KLF4: variants seen among roughly 807,000 people sequenced by gnomAD.
The protein encoded by KLF4 is Krueppel-like factor 4.
KLF4 carries 14 observed loss-of-function variants against 38.0 expected under a neutral mutation model. The ratio of observed to expected loss-of-function variants is 0.37; its 90% CI spans 0.24 to 0.58. The LOEUF (loss-of-function observed/expected upper bound fraction) is 0.58. Among genes scored for constraint, KLF4 ranks in the 20% least tolerant of loss-of-function variants. The probability of loss-of-function intolerance (pLI) is 0.76; values close to 1 mark genes in which losing one functional copy is unlikely to be tolerated. For missense variants in KLF4, 737 were observed against 670.1 expected, an observed-to-expected ratio of 1.10 and a Z score of -1.10; for synonymous variants, 398 against 302.5, an observed-to-expected ratio of 1.32 and a Z score of -3.28.
chr9:107,489,039 C>G lies in KLF4; in HGVS notation c.17G>C (p.Gly6Ala), dbSNP rs1222965749. ...GTCGCTGACAGCCATGTCAGACTCG[C>G]CAGGTGGCTGCCTGCGAGCAAGGCA... MRQPP[G>A]ESDMAVSDAL... Residue 6 changes from glycine (G) to alanine (A), a missense_variant, in exon 2 of 5, where the codon GGC (glycine) becomes GCC (alanine). Transcript: ENST00000374672. 6.4e-6 allele frequency: 10 copies of G among 1,556,760 alleles called. No homozygotes were observed. Among genetic ancestry groups the G allele is most frequent in the Non-Finnish European group, 7.8e-6 (9 of 1,149,762 alleles).
Position 107,487,479 on chromosome 9 carries a change from G to T in KLF4, c.915C>A (p.Phe305Leu). The T allele has an allele frequency of 6.5e-7, 1 of 1,541,526 alleles. No homozygotes were observed. The highest frequency in any genetic ancestry group is 8.7e-7 in the Non-Finnish European group (1 of 1,145,722). The change falls in exon 3 of 5, where the codon TTC becomes TTA. Residue 305 changes from phenylalanine (F) to leucine (L), a missense_variant. By Grantham distance (22) the Phe-to-Leu change is conservative. Coordinates refer to ENST00000374672, the MANE Select transcript of KLF4 (RefSeq NM_004235.6). This position sits in a 1 kb window ranked among gnomAD's most constrained non-coding sequence, Gnocchi z 6.1. ...TGCTGGGGAGCTGCCGCCCCAGGGG[G>T]AAGTCGTGTGCAGCCGGCCGGTGGC... ...SNGHRPAAHD[F>L]PLGRQLPSRT... is the part of the protein sequence containing the mutation.
At position 107,485,427 on chromosome 9, in the gene KLF4, C is replaced by T. The variant is rs1431248071; in HGVS notation, c.*324G>A. ...TCAAGGGAATTCTGGTCTTCCCTCC[C>T]CCAACTCACGGATATAATTTATACC... On this transcript the variant is annotated 3_prime_UTR_variant, in exon 5 of 5. Transcript: ENST00000374672. The surrounding 1 kb of genome is among the most constrained non-coding windows in gnomAD (Gnocchi z 4.9). 3 of 292,168 alleles carry T rather than the reference C, an allele frequency of 1.0e-5. No individual in the cohort carries two copies. Among genetic ancestry groups the T allele is most frequent in the Admixed American group, 1.1e-4 (2 of 19,036 alleles). The allele number at this position is 292,168 out of a possible 1,614,324, so 18.1% of individuals were successfully genotyped here.
rs368424781 is a variant in KLF4 at position 107,488,903 on chromosome 9, T to C, written c.126+27A>G. On this transcript the variant is annotated intron_variant, in intron 2 of 4. Coordinates refer to ENST00000374672, the MANE Select transcript of KLF4 (RefSeq NM_004235.6). This position sits in a 1 kb window ranked among gnomAD's most constrained non-coding sequence, Gnocchi z 5.7. The stretch of plus-strand genomic sequence containing the variant: ...CACACCCACGAAAACCCACCGGGCG[T>C]TCCCGGCGGCCCGGAGCGATACTCA... 2 of 1,544,696 alleles carry C rather than the reference T, an allele frequency of 1.3e-6. No individual in the cohort carries two copies. The highest frequency in any genetic ancestry group is 1.7e-4 in the Middle Eastern group (1 of 5,876).
rs1184808217 is a variant in KLF4, at chr9:107,485,482, T to C, written c.*269A>G. The C allele has an allele frequency of 2.6e-6, 1 of 378,498 alleles. No homozygotes were observed. Among genetic ancestry groups the C allele is most frequent in the Non-Finnish European group, 4.7e-6 (1 of 214,396 alleles). 23.4% of individuals were successfully genotyped at this position (378,498 alleles called of 1,614,324 possible). A position where few individuals can be genotyped will look rare whatever the true frequency, so the allele number is the denominator to read the frequency against. On this transcript the variant is annotated 3_prime_UTR_variant, in exon 5 of 5. Transcript: ENST00000374672. This position sits in a 1 kb window ranked among gnomAD's most constrained non-coding sequence, Gnocchi z 4.9. ...TATCCACAACTTCCAGTCACCCCCT[T>C]GGCATTTTGTAAGTCCAGGAATATT...
In KLF4 at chr9:107,485,946, A is replaced by G; in HGVS notation, c.1265-20T>C. ...TCTCACCTGTAAAGGTAAAAGAAAA[A>G]AAAAATTGACGCTATTGCTATATCA... On this transcript the variant is annotated intron_variant, in intron 4 of 4. Coordinates refer to ENST00000374672, the MANE Select transcript of KLF4 (RefSeq NM_004235.6). This position sits in a 1 kb window ranked among gnomAD's most constrained non-coding sequence, Gnocchi z 4.9. 1 of 1,594,070 alleles carries G rather than the reference A, an allele frequency of 6.3e-7. No homozygotes were observed. The highest frequency in any genetic ancestry group is 1.2e-5 in the South Asian group (1 of 86,726).
chr9:107,487,766 G>T lies in KLF4; in HGVS notation c.628C>A (p.Pro210Thr). ...GGCTGCTGCGGCGGAATGTACACCG[G>T]GTCCAATTCTGGCCGCAGGAGCTCG... Reference protein sequence around the residue: ...VAELLRPELDPVYIPPQQPQP... With the variant: ...VAELLRPELDTVYIPPQQPQP... The change falls in exon 3 of 5, where the codon CCG (proline) becomes ACG (threonine). Residue 210 changes from proline (P) to threonine (T), a missense_variant. Physicochemically the swap from Pro to Thr is conservative, Grantham distance 38. Around this residue, in one of 2 missense-constraint regions of KLF4, gnomAD observed 695 missense variants for 554.5 expected, o/e 1.25. Transcript: ENST00000374672. The surrounding 1 kb of genome is among the most constrained non-coding windows in gnomAD (Gnocchi z 6.1). 6.4e-7 allele frequency: 1 copy of T among 1,558,242 alleles called. No individual in the cohort carries two copies. Among genetic ancestry groups the T allele is most frequent in the Non-Finnish European group, 8.7e-7 (1 of 1,150,966 alleles).
chr9:107,485,777 C>A lies in KLF4; in HGVS notation c.1414G>T (p.Ala472Ser), dbSNP rs755781036. The change falls in exon 5 of 5, where the codon GCC (alanine) becomes TCC (serine). Residue 472 changes from alanine (A) to serine (S), a missense_variant. Ala to Ser is a moderately conservative substitution (Grantham distance 99). Around this residue, in one of 2 missense-constraint regions of KLF4, gnomAD observed 42 missense variants for 115.5 expected, o/e 0.36. Transcript: ENST00000374672. The surrounding 1 kb of genome is among the most constrained non-coding windows in gnomAD (Gnocchi z 4.9). ...DRAFSRSDHL[A>S]LHMKRHF ...TAAAAATGCCTCTTCATGTGTAAGGCGAGGTGGTCCGACCTGGAAAATGCT... is the reference window on the plus strand; with the variant it reads ...TAAAAATGCCTCTTCATGTGTAAGGAGAGGTGGTCCGACCTGGAAAATGCT... The A allele has an allele frequency of 6.3e-7, 1 of 1,598,926 alleles. No homozygotes were observed. The highest frequency in any genetic ancestry group is 2.3e-5 in the East Asian group (1 of 44,068).
rs184817671 is a variant in KLF4, at chr9:107,487,035, G to A, written c.1257C>T (p.Thr419=). 19 of 1,614,198 alleles carry A rather than the reference G, an allele frequency of 1.2e-5. No individual in the cohort carries two copies. The African/African-American group carries it at 2.3e-4, about 19-fold the overall frequency. Residue 419 remains threonine (T), a synonymous_variant, in exon 4 of 5, where the codon ACC becomes ACT. Coordinates refer to ENST00000374672, the MANE Select transcript of KLF4 (RefSeq NM_004235.6). This position sits in a 1 kb window ranked among gnomAD's most constrained non-coding sequence, Gnocchi z 6.1. ...KSSHLKAHLR[T]HTGEKPYHCD... ...TGCAGTTTGTCCCCCTACCTGTGTG[G>A]GTTCGCAGGTGTGCCTTGAGATGGG...
chr9:107,486,943 A>C, intron 4 of KLF4, 85 bp downstream of exon 4: 1 of 1,603,002 alleles, frequency 6.2e-7, no homozygotes, highest in South Asian at 1.1e-5. Flanking sequence ...TAACCTGGGA[A>C]GTCAAGGAGG....
At position 107,487,020 on chromosome 9, in the gene KLF4, C is replaced by T. The variant is rs776106642; in HGVS notation, c.1264+8G>A. ...AACCCCCCTCCCTTCTGCAGTTTGT[C>T]CCCCTACCTGTGTGGGTTCGCAGGT... On this transcript the variant is annotated splice_region_variant and intron_variant, in intron 4 of 4. Transcript: ENST00000374672. The surrounding 1 kb of genome is among the most constrained non-coding windows in gnomAD (Gnocchi z 6.1). The T allele has an allele frequency of 6.2e-6, 10 of 1,614,036 alleles. No homozygotes were observed. The Admixed American group carries it at 1.2e-4, about 19-fold the overall frequency.
chr9:107,489,449 C>G lies in KLF4; in HGVS notation c.-277G>C, dbSNP rs1043358753. ...GCGCTCTCTTCCACTCAGCAGCGTC[C>G]CCCACCACTGTCGCGGTCGCCTCGA... is the stretch of plus-strand genomic sequence containing the variant. On this transcript the variant is annotated 5_prime_UTR_variant, in exon 1 of 5. Coordinates refer to ENST00000374672, the MANE Select transcript of KLF4 (RefSeq NM_004235.6). The G allele has an allele frequency of 2.0e-5, 8 of 399,570 alleles. No homozygotes were observed. Among genetic ancestry groups the G allele is most frequent in the African/African-American group, 1.2e-4 (6 of 48,454 alleles). 24.8% of individuals were successfully genotyped at this position (399,570 alleles called of 1,614,324 possible). A position where few individuals can be genotyped will look rare whatever the true frequency, so the allele number is the denominator to read the frequency against.
Position 107,487,269 on chromosome 9 carries a change from C to G in KLF4, c.1099+26G>C. ...GCCAGCACACACAGGGCTCCCCAGCCCGAGCTACAAATCCCCGGGACTGAC... is the reference window on the plus strand; with the variant it reads ...GCCAGCACACACAGGGCTCCCCAGCGCGAGCTACAAATCCCCGGGACTGAC... On this transcript the variant is annotated intron_variant, in intron 3 of 4. Coordinates refer to ENST00000374672, the MANE Select transcript of KLF4 (RefSeq NM_004235.6). This position sits in a 1 kb window ranked among gnomAD's most constrained non-coding sequence, Gnocchi z 6.1. The G allele has an allele frequency of 1.3e-6, 2 of 1,596,596 alleles. No individual in the cohort carries two copies. The highest frequency in any genetic ancestry group is 1.7e-6 in the Non-Finnish European group (2 of 1,170,654).
rs1048635748 is a variant in KLF4 at position 107,487,545 on chromosome 9, A to G, written c.849T>C (p.Ser283=). Residue 283 remains serine (S), a synonymous_variant, in exon 3 of 5, where the codon TCT becomes TCC. Transcript: ENST00000374672. This position sits in a 1 kb window ranked among gnomAD's most constrained non-coding sequence, Gnocchi z 6.1. ...TCPKIKQEAV[S]SCTHLGAGPP... Reference sequence around the variant, plus strand: ...GTCCAGCGCCCAAGTGGGTGCACGAAGAGACCGCCTCCTGCTTGATCTTGG... The same window carrying G: ...GTCCAGCGCCCAAGTGGGTGCACGAGGAGACCGCCTCCTGCTTGATCTTGG... The G allele has an allele frequency of 1.3e-6, 2 of 1,566,478 alleles. No homozygotes were observed. The highest frequency in any genetic ancestry group is 1.7e-6 in the Non-Finnish European group (2 of 1,158,310).
Position 107,488,105 on chromosome 9 carries a change from C to G in KLF4, c.289G>C (p.Glu97Gln). The change falls in exon 3 of 5, where the codon GAG becomes CAG. Residue 97 changes from glutamate to glutamine, a missense_variant. Physicochemically the swap from Glu to Gln is conservative, Grantham distance 29. Transcript: ENST00000374672. The surrounding 1 kb of genome is among the most constrained non-coding windows in gnomAD (Gnocchi z 5.7). ...NLAPLPRRET[E>Q]EFNDLLDLDF... is the part of the protein sequence containing the mutation. ...AGGTCCAGGAGATCGTTGAACTCCT[C>G]GGTCTCTCTCCGAGGTAGGGGCGCC... 1 of 1,612,980 alleles carries G rather than the reference C, an allele frequency of 6.2e-7. No individual in the cohort carries two copies. Among genetic ancestry groups the G allele is most frequent in the Non-Finnish European group, 8.5e-7 (1 of 1,179,916 alleles).
Position 107,488,102 on chromosome 9 carries a change from C to A in KLF4, c.292G>T (p.Glu98Ter), listed in dbSNP as rs1829116795. The A allele has an allele frequency of 1.2e-6, 2 of 1,612,920 alleles. No individual in the cohort carries two copies. The highest frequency in any genetic ancestry group is 1.7e-6 in the Non-Finnish European group (2 of 1,179,918). Reference sequence around the variant, plus strand: ...TCCAGGTCCAGGAGATCGTTGAACTCCTCGGTCTCTCTCCGAGGTAGGGGC... The same window carrying A: ...TCCAGGTCCAGGAGATCGTTGAACTACTCGGTCTCTCTCCGAGGTAGGGGC... ...LAPLPRRETE[E>*]FNDLLDLDFI... is the part of the protein sequence containing the mutation. Residue 98 changes from glutamate to a stop codon, truncating the protein, a stop_gained, in exon 3 of 5, where the codon GAG becomes TAG. Coordinates refer to ENST00000374672, the MANE Select transcript of KLF4 (RefSeq NM_004235.6). LOFTEE classifies it high-confidence loss of function. This position sits in a 1 kb window ranked among gnomAD's most constrained non-coding sequence, Gnocchi z 5.7.
In KLF4 at chr9:107,487,963, G is replaced by T; in HGVS notation, c.431C>A (p.Ala144Glu). 1 of 1,584,918 alleles carries T rather than the reference G, an allele frequency of 6.3e-7. No individual in the cohort carries two copies. The highest frequency in any genetic ancestry group is 2.3e-5 in the East Asian group (1 of 43,208). The change falls in exon 3 of 5, where the codon GCG becomes GAG. Residue 144 changes from alanine (A) to glutamate (E), a missense_variant. Physicochemically the swap from Ala to Glu is moderately radical, Grantham distance 107. Coordinates refer to ENST00000374672, the MANE Select transcript of KLF4 (RefSeq NM_004235.6). This position sits in a 1 kb window ranked among gnomAD's most constrained non-coding sequence, Gnocchi z 6.1. ...ATAGGTGAAGCTGCAGGTGGAGGGCGCGCTGGCAGGGCCGCTGCTCGACGG... is the reference window on the plus strand; with the variant it reads ...ATAGGTGAAGCTGCAGGTGGAGGGCTCGCTGGCAGGGCCGCTGCTCGACGG... ...SSPSSSGPASAPSTCSFTYPI... is the reference protein window; with the variant it reads ...SSPSSSGPASEPSTCSFTYPI...
chr9:107,488,936 C>G lies in KLF4; in HGVS notation c.120G>C (p.Pro40=). ...REKTLRQAGA[P]NNRWREELSH... ...GGCCCGGAGCGATACTCACGTTATT[C>G]GGGGCACCTGCTTGACGCAGTGTCT... is the stretch of plus-strand genomic sequence containing the variant. The change falls in exon 2 of 5, where the codon CCG becomes CCC. Residue 40 remains proline (P), a synonymous_variant. Transcript: ENST00000374672. This position sits in a 1 kb window ranked among gnomAD's most constrained non-coding sequence, Gnocchi z 5.7. The G allele has an allele frequency of 6.4e-7, 1 of 1,555,380 alleles. No individual in the cohort carries two copies. The highest frequency in any genetic ancestry group is 8.7e-7 in the Non-Finnish European group (1 of 1,149,108).
In KLF4 at chr9:107,488,865, C is replaced by T. The variant is rs985699050; in HGVS notation, c.126+65G>A. On this transcript the variant is annotated intron_variant, in intron 2 of 4. Coordinates refer to ENST00000374672, the MANE Select transcript of KLF4 (RefSeq NM_004235.6). The surrounding 1 kb of genome is among the most constrained non-coding windows in gnomAD (Gnocchi z 5.7). ...GTGGCTCTTGGTGACCCCAAGGCTCCGCCCGCCCCCACCACACCCACGAAA... is the reference window on the plus strand; with the variant it reads ...GTGGCTCTTGGTGACCCCAAGGCTCTGCCCGCCCCCACCACACCCACGAAA... 8 of 1,520,390 alleles carry T rather than the reference C, an allele frequency of 5.3e-6. No individual in the cohort carries two copies. In the African/African-American group the frequency reaches 9.6e-5, roughly 18 times the overall value. 94.2% of individuals were successfully genotyped at this position (1,520,390 alleles called of 1,614,324 possible).
chr9:107,485,611 A>T lies in KLF4; in HGVS notation c.*140T>A. On this transcript the variant is annotated 3_prime_UTR_variant, in exon 5 of 5. Transcript: ENST00000374672. This position sits in a 1 kb window ranked among gnomAD's most constrained non-coding sequence, Gnocchi z 4.9. ...CCTCATTTTTCCTGATTATCCACTC[A>T]CAAGATGACTCAGTTGGGAACTTGA... is the stretch of plus-strand genomic sequence containing the variant. The T allele has an allele frequency of 1.3e-6, 1 of 798,042 alleles. No homozygotes were observed. The highest frequency in any genetic ancestry group is 1.9e-6 in the Non-Finnish European group (1 of 528,300). The allele number at this position is 798,042 out of a possible 1,614,324, so 49.4% of individuals were successfully genotyped here. A position where few individuals can be genotyped will look rare whatever the true frequency, so the allele number is the denominator to read the frequency against.
Sources: gnomAD v4.1 joint callset for allele counts on GRCh38, gnomAD v4.1.1 for gene constraint, gnomAD v4.1.1 regional missense constraint, Gnocchi (gnomAD v3.1) non-coding constraint, MANE v1.5 for transcripts, NCBI Gene and HGNC (gene_info 2026-07-23, HGNC 2026-07-21) for gene names.